The following CLOCK variants were observed in gnomAD, a reference collection of about 807,000 sequenced individuals.
The protein encoded by CLOCK is circadian locomoter output cycles protein kaput.
CLOCK carries 43 observed loss-of-function variants against 118.4 expected under a neutral mutation model. The ratio of observed to expected loss-of-function variants is 0.36; its 90% CI spans 0.28 to 0.47. The LOEUF (loss-of-function observed/expected upper bound fraction) is 0.47, where lower values mean the gene tolerates loss of function less well. Among genes scored for constraint, CLOCK ranks in the 20% least tolerant of loss-of-function variants. The pLI, the probability that CLOCK is intolerant of heterozygous loss-of-function variation, is 1.00. For missense variants in CLOCK, 846 were observed against 999.9 expected (o/e 0.85, Z 2.08); for synonymous variants, 326 against 339.2 (o/e 0.96, Z 0.43).
rs56157186 is a variant in CLOCK at position 55,445,582 on chromosome 4, C to CTTTTTTTTTTT, written c.1540-808_1540-798dup. On this transcript the variant is annotated intron_variant, in intron 18 of 22. Transcript: ENST00000513440. ...TCTCTGCATCTGCTATTTCTATATTCTTTTTTTTTTTTTTTTTTTTTTTTT... is the reference window on the plus strand; with the variant it reads ...TCTCTGCATCTGCTATTTCTATATTCTTTTTTTTTTTTTTTTTTTTTTTTTTTTTTTTTTTT... Among the ~76,000 whole-genome samples, 346 of 68,580 alleles carry CTTTTTTTTTTT rather than the reference C, an allele frequency of 5.0e-3. 58 individuals are homozygous for CTTTTTTTTTTT. Among genetic ancestry groups the CTTTTTTTTTTT allele is most frequent in the African/African-American group, 0.014 (263 of 18,608 alleles). The allele number at this position is 68,580 out of a possible 152,430, so 45.0% of individuals were successfully genotyped here.
intron 9 of CLOCK, among the ~76,000 whole-genome samples, chr4:55,460,281 G>A (rs1003754013): frequency 6.6e-5 from 10 of 151,960 alleles, no homozygotes; most frequent in African/African-American, 2.2e-4. Flanking sequence ...TCATACTAGG[G>A]GTTTTCACAA....
intron 2 of CLOCK, among the ~76,000 whole-genome samples, chr4:55,502,575 G>C (rs1728511165): frequency 6.6e-6 from 1 of 152,138 alleles, no homozygotes; most frequent in African/African-American, 2.4e-5. Flanking sequence ...TAACAGTCAA[G>C]TTTATAGAAG....
chr4:55,460,794 C>A (rs954093461), intron 9 of CLOCK, among the ~76,000 whole-genome samples: 1 of 152,190 alleles, frequency 6.6e-6, no homozygotes, highest in East Asian at 1.9e-4. Context: ...ATGGCTTTAT[C>A]ATCTAACCTA....
chr4:55,510,115 A>G (rs1193597534), intron 1 of CLOCK, 50 bp from the exon 2 acceptor site: 1 of 152,174 alleles, frequency 6.6e-6, no homozygotes, highest in Non-Finnish European at 1.5e-5. Context: ...TTTAAGTAAC[A>G]TTATTATCAC....
At chr4:55,499,251 T>C (rs182940435) in intron 2 of CLOCK, among the ~76,000 whole-genome samples, 50 of 152,314 alleles carry the variant, frequency 3.3e-4, no homozygotes, top group Admixed American at 2.7e-3. Context: ...TTGGATCATA[T>C]CCTGGACATT....
intron 1 of CLOCK, among the ~76,000 whole-genome samples, chr4:55,529,031 G>C (rs1730375391): frequency 6.6e-6 from 1 of 152,158 alleles, no homozygotes; most frequent in South Asian, 2.1e-4. Flanking sequence ...CTACAATCCA[G>C]GAAACCAACA....
intron 1 of CLOCK, among the ~76,000 whole-genome samples, chr4:55,513,876 G>A (rs73236150): frequency 0.066 from 10,051 of 152,006 alleles, 475 homozygotes; most frequent in Non-Finnish European, 0.096. Flanking sequence ...TATTTTGGGA[G>A]ATATTAATGT....
chr4:55,515,842 TC>T (rs1729475987), intron 1 of CLOCK, among the ~76,000 whole-genome samples: 1 of 152,252 alleles, frequency 6.6e-6, no homozygotes, highest in African/African-American at 2.4e-5. Context: ...ATTTGTTGCA[TC>T]CCGCATATTT....
At chr4:55,488,495 T>C (rs1727457074) in intron 3 of CLOCK, among the ~76,000 whole-genome samples, 2 of 152,192 alleles carry the variant, frequency 1.3e-5, no homozygotes, top group African/African-American at 4.8e-5. Flanking sequence ...CCCAGTTTTT[T>C]CCCCCAACCT....
chr4:55,446,611 T>A (rs371281361), intron 18 of CLOCK, among the ~76,000 whole-genome samples: 1 of 152,232 alleles, frequency 6.6e-6, no homozygotes, highest in Non-Finnish European at 1.5e-5. Flanking sequence ...AACGCATACA[T>A]GAATGAAAAT....
rs1722397097 is a variant in CLOCK at position 55,429,985 on chromosome 4, T to C, written c.*5430A>G. On this transcript the variant is annotated 3_prime_UTR_variant, in exon 23 of 23. Transcript: ENST00000513440. ...CAGAGCCAGTTCCCTAAGAAGAATA[T>C]GGTGCAAAACAAAACAAACCACACA... The C allele has an allele frequency of 6.6e-6, 1 of 152,166 alleles. No individual in the cohort carries two copies. The highest frequency in any genetic ancestry group is 6.5e-5 in the Admixed American group (1 of 15,272). The allele number at this position is 152,166 out of a possible 1,614,324, so 9.4% of individuals were successfully genotyped here. A position where few individuals can be genotyped will look rare whatever the true frequency, so the allele number is the denominator to read the frequency against.
At chr4:55,538,545 T>G (rs914017938) in intron 1 of CLOCK, among the ~76,000 whole-genome samples, 3 of 152,048 alleles carry the variant, frequency 2.0e-5, no homozygotes, top group African/African-American at 4.8e-5. Flanking sequence ...AGAAAAAAAT[T>G]TTTTTCAACA....
intron 2 of CLOCK, among the ~76,000 whole-genome samples, chr4:55,505,161 C>CA (rs36120601): frequency 0.34 from 47,959 of 141,262 alleles, 8,672 homozygotes; most frequent in East Asian, 0.54. Flanking sequence ...ACCCCCCCAC[C>CA]AAAAAAAAAA....
intron 1 of CLOCK, among the ~76,000 whole-genome samples, chr4:55,533,865 T>C (rs1385927154): frequency 6.6e-6 from 1 of 152,196 alleles, no homozygotes; most frequent in Non-Finnish European, 1.5e-5. Flanking sequence ...ATCATGCCAC[T>C]ACACTCCAGC....
At chr4:55,516,548 T>C (rs12510275) in intron 1 of CLOCK, among the ~76,000 whole-genome samples, 46,309 of 152,140 alleles carry the variant, frequency 0.3, 7,655 homozygotes, top group East Asian at 0.58. Flanking sequence ...GTTAGCATAT[T>C]GTATTTTTCT....
chr4:55,441,170 C>A (rs1382203938), intron 21 of CLOCK, among the ~76,000 whole-genome samples: 1 of 152,108 alleles, frequency 6.6e-6, no homozygotes, highest in East Asian at 1.9e-4. Context: ...GTTTCTGTCC[C>A]CCTCAAAAGA....
chr4:55,486,230 A>G (rs1727287863), intron 3 of CLOCK, among the ~76,000 whole-genome samples: 1 of 152,124 alleles, frequency 6.6e-6, no homozygotes, highest in Admixed American at 6.5e-5. Context: ...TTGTTTACCT[A>G]GTTTTGTTTA....
chr4:55,543,991 C>G (rs1201899713), intron 1 of CLOCK, among the ~76,000 whole-genome samples: 1 of 152,178 alleles, frequency 6.6e-6, no homozygotes, highest in African/African-American at 2.4e-5. Flanking sequence ...CCATTACTCA[C>G]TATTCACTAC....
chr4:55,528,591 A>G (rs1393588893), intron 1 of CLOCK, among the ~76,000 whole-genome samples: 2 of 152,160 alleles, frequency 1.3e-5, no homozygotes, highest in Non-Finnish European at 2.9e-5. Context: ...AGTGTTTACA[A>G]TAGATTTCTG....
Sources: allele counts gnomAD v4.1 joint callset (sites outside exome capture counted in the v4.1 genomes callset), GRCh38; gene constraint gnomAD v4.1.1; transcripts MANE v1.5; gene names NCBI Gene and HGNC (gene_info 2026-07-23, HGNC 2026-07-21).